Variants in HCN1 observed in about 807,000 individuals in gnomAD.
HCN1 encodes hyperpolarization activated cyclic nucleotide gated potassium channel 1, also known as potassium/sodium hyperpolarization-activated cyclic nucleotide-gated channel 1.
HCN1 carries 13 observed loss-of-function variants against 78.9 expected under a neutral mutation model. The observed-to-expected ratio is 0.16, with a 90% confidence interval of 0.11 to 0.26. The LOEUF (loss-of-function observed/expected upper bound fraction) is 0.26, where lower values mean the gene tolerates loss of function less well. Among genes scored for constraint, HCN1 ranks in the 10% least tolerant of loss-of-function variants. The probability of loss-of-function intolerance (pLI) is 1.00; values close to 1 mark genes in which losing one functional copy is unlikely to be tolerated. For missense variants in HCN1, 810 were observed against 1,154.3 expected (o/e 0.70, Z 4.32); for synonymous variants, 552 against 455.5 (o/e 1.21, Z -2.70).
At chr5:45,613,036 G>T (rs568862198) in intron 2 of HCN1, among the ~76,000 whole-genome samples, 4 of 151,970 alleles carry the variant, frequency 2.6e-5, no homozygotes, top group African/African-American at 9.6e-5. Context: ...TAAGTTTTAG[G>T]GTACATGTGC....
chr5:45,585,798 C>T (rs1279039334), intron 2 of HCN1, among the ~76,000 whole-genome samples: 1 of 152,104 alleles, frequency 6.6e-6, no homozygotes, highest in East Asian at 1.9e-4. Context: ...CACTCCAGAC[C>T]CTGTTTGCCT....
intron 3 of HCN1, among the ~76,000 whole-genome samples, chr5:45,446,053 G>A (rs1355246415): frequency 6.6e-6 from 1 of 152,214 alleles, no homozygotes; most frequent in Non-Finnish European, 1.5e-5. Flanking sequence ...ACTTTGACGA[G>A]TTGAGAGAAT....
intron 4 of HCN1, among the ~76,000 whole-genome samples, chr5:45,383,143 C>T (rs950156814): frequency 2.0e-5 from 3 of 152,070 alleles, no homozygotes; most frequent in Non-Finnish European, 4.4e-5. Context: ...AGATGCAGAG[C>T]TGGGATTTAA....
rs200934892 is a variant in HCN1, at chr5:45,452,845, C to CA, written c.1011+9000dup. Reference sequence around the variant, plus strand: ...ACATCTCTAAAAACAACAAACACTTCAAAAAAAATGATGGGTTATACAATG... The same window carrying CA: ...ACATCTCTAAAAACAACAAACACTTCAAAAAAAAATGATGGGTTATACAATG... On this transcript the variant is annotated intron_variant, in intron 3 of 7. Coordinates refer to ENST00000303230, the MANE Select transcript of HCN1 (RefSeq NM_021072.4). Among the ~76,000 whole-genome samples, 338 of 151,664 alleles carry CA rather than the reference C, an allele frequency of 2.2e-3. 2 individuals carry two copies. Among genetic ancestry groups the CA allele is most frequent in the African/African-American group, 3.6e-3 (150 of 41,412 alleles).
intron 6 of HCN1, among the ~76,000 whole-genome samples, chr5:45,267,809 T>C (rs996292793): frequency 1.3e-5 from 2 of 152,124 alleles, no homozygotes; most frequent in Admixed American, 6.5e-5. Flanking sequence ...GTTGAGACTT[T>C]TGGTTTAAAT....
intron 4 of HCN1, among the ~76,000 whole-genome samples, chr5:45,360,745 T>C (rs780185475): frequency 3.9e-5 from 6 of 152,120 alleles, no homozygotes; most frequent in Non-Finnish European, 7.4e-5. Flanking sequence ...GAAATCTTCC[T>C]GAATTTGATT....
chr5:45,544,005 T>C (rs189206646), intron 2 of HCN1, among the ~76,000 whole-genome samples: 1 of 152,072 alleles, frequency 6.6e-6, no homozygotes, highest in Non-Finnish European at 1.5e-5. Context: ...AGATTAAATA[T>C]GTATGGCTAC....
intron 1 of HCN1, among the ~76,000 whole-genome samples, chr5:45,688,536 C>G (rs950587236): frequency 2.6e-5 from 4 of 152,038 alleles, no homozygotes; most frequent in African/African-American, 9.7e-5. Flanking sequence ...TTTATTAACT[C>G]TAAGATTAAA....
At chr5:45,374,037 TAA>T (rs1273732082) in intron 4 of HCN1, among the ~76,000 whole-genome samples, 1 of 87,860 alleles carries the variant, frequency 1.1e-5, no homozygotes, top group Non-Finnish European at 2.2e-5. Context: ...ATTATATACA[TAA>T]TATATATTAT....
At chr5:45,267,316 G>A in intron 6 of HCN1, 63 bp from the exon 7 acceptor site, 6 of 1,484,196 alleles carry the variant, frequency 4.0e-6, no homozygotes, top group Non-Finnish European at 5.6e-6. Context: ...AAGCCATTAA[G>A]GCTTCCCACA....
rs113782015 is a variant in HCN1, at chr5:45,307,353, G to C, written c.1378-3514C>G. On this transcript the variant is annotated intron_variant, in intron 5 of 7. Transcript: ENST00000303230. ...AACCCTTAAGGATGGGCTGAGCATT[G>C]AGCATGGGGACTTCCTTCAAAGAAT... Among the ~76,000 whole-genome samples, 7 of 152,214 alleles carry C rather than the reference G, an allele frequency of 4.6e-5. 1 individual carries two copies. The highest frequency in any genetic ancestry group is 1.7e-4 in the African/African-American group (7 of 41,574).
chr5:45,646,415 G>C (rs193038482), intron 1 of HCN1, among the ~76,000 whole-genome samples: 1 of 136,426 alleles, frequency 7.3e-6, no homozygotes, highest in Non-Finnish European at 1.5e-5. Flanking sequence ...TTGTTGCCCA[G>C]GTTGGAGTAC....
At chr5:45,432,473 GACTAGATTGCTTCTAGT>G (rs1239055418) in intron 3 of HCN1, among the ~76,000 whole-genome samples, 238 of 151,962 alleles carry the variant, frequency 1.6e-3, no homozygotes, top group African/African-American at 5.3e-3. Flanking sequence ...ATTGCTCTAG[GACTAGATTGCTTCTAGT>G]ACTAGATTGC....
At chr5:45,316,837 C>G (rs1377195986) in intron 5 of HCN1, among the ~76,000 whole-genome samples, 1 of 152,020 alleles carries the variant, frequency 6.6e-6, no homozygotes, top group African/African-American at 2.4e-5. Context: ...GAATAAAATA[C>G]CTAGGAATCC....
chr5:45,410,985 A>G (rs1579876222), intron 3 of HCN1, among the ~76,000 whole-genome samples: 1 of 152,128 alleles, frequency 6.6e-6, no homozygotes, highest in East Asian at 1.9e-4. Context: ...GAATTCAAAT[A>G]CCAAATAGTA....
At chr5:45,422,573 C>T (rs1162322287) in intron 3 of HCN1, among the ~76,000 whole-genome samples, 1 of 152,002 alleles carries the variant, frequency 6.6e-6, no homozygotes, top group African/African-American at 2.4e-5. Context: ...AACATTTAGT[C>T]CATAAAAATG....
At chr5:45,424,139 A>T (rs939557214) in intron 3 of HCN1, among the ~76,000 whole-genome samples, 18 of 150,000 alleles carry the variant, frequency 1.2e-4, no homozygotes, top group African/African-American at 4.4e-4. Flanking sequence ...AAAAAAAAAA[A>T]AAAATTAGCC....
rs752944351 is a variant in HCN1 at position 45,353,134 on chromosome 5, T to C, written c.1343A>G (p.Asn448Ser). ...AGGATCATTGAGTTCATTGAGAATA[T>C]TTTCCTCATCAAAGATTTTGCCTTG... ...RYQGKIFDEE[N>S]ILNELNDPLR... is the part of the protein sequence containing the mutation. The change falls in exon 5 of 8, where the codon AAT (asparagine) becomes AGT (serine). Residue 448 changes from asparagine to serine, a missense_variant. Transcript: ENST00000303230. 1.3e-5 allele frequency: 21 copies of C among 1,611,596 alleles called. No homozygotes were observed. In the Admixed American group the frequency reaches 3.5e-4, roughly 27 times the overall value.
chr5:45,665,902 AC>A (rs2112068035), intron 1 of HCN1, among the ~76,000 whole-genome samples: 1 of 152,016 alleles, frequency 6.6e-6, no homozygotes, highest in Non-Finnish European at 1.5e-5. Flanking sequence ...CTAATCCTCA[AC>A]CTGATCAAGG....
Sources: gnomAD v4.1 joint callset for allele counts (sites outside exome capture counted in the v4.1 genomes callset) on GRCh38, gnomAD v4.1.1 for gene constraint, MANE v1.5 for transcripts, NCBI Gene and HGNC (gene_info 2026-07-23, HGNC 2026-07-21) for gene names.